Variants in RASGRF1 observed in about 807,000 individuals in gnomAD.
The protein encoded by RASGRF1 is ras-specific guanine nucleotide-releasing factor 1.
A neutral mutation model predicts 138.7 loss-of-function variants in RASGRF1; 40 were observed. The observed-to-expected ratio is 0.29, with a 90% CI of 0.22 to 0.38. RASGRF1 has a LOEUF of 0.38. RASGRF1 is among the 10% of genes least tolerant of loss of function. The pLI, the probability that RASGRF1 is intolerant of heterozygous loss-of-function variation, is 1.00. For synonymous variants in RASGRF1, 614 were observed against 663.2 expected (o/e 0.93, Z 1.14); for missense variants, 1,108 against 1,650.4 (o/e 0.67, Z 5.69).
intron 20 of RASGRF1, among the ~76,000 whole-genome samples, chr15:78,993,136 T>G (rs2044228): frequency 0.85 from 126,120 of 147,554 alleles, 53,893 homozygotes; most frequent in East Asian, 1. Context: ...GTATGTGGGG[T>G]GTGTGTGTGT....
intron 2 of RASGRF1, among the ~76,000 whole-genome samples, chr15:79,059,806 A>G (rs368588340): frequency 2.0e-5 from 3 of 152,278 alleles, no homozygotes; most frequent in Admixed American, 6.5e-5. Context: ...GCGAGAGAAC[A>G]TTGTGTCTCT....
chr15:78,978,985 AT>A (rs754855442), intron 24 of RASGRF1: 1 of 1,291,264 alleles, frequency 7.7e-7, no homozygotes, highest in South Asian at 1.2e-5. Context: ...CTCAGACAGA[AT>A]GGGGGGCCCC....
At chr15:79,054,408 T>C (rs1423080619) in intron 3 of RASGRF1, among the ~76,000 whole-genome samples, 1 of 152,098 alleles carries the variant, frequency 6.6e-6, no homozygotes, top group East Asian at 1.9e-4. Context: ...GTGTCGTGGG[T>C]TGTAGGGACT....
rs988908251 is a variant in RASGRF1 at position 78,995,655 on chromosome 15, G to A, written c.3027+85C>T. 4.2e-5 allele frequency: 62 copies of A among 1,462,834 alleles called. No individual in the cohort carries two copies. The African/African-American group carries it at 6.8e-4, about 16-fold the overall frequency. The allele number at this position is 1,462,834 out of a possible 1,614,324, so 90.6% of individuals were successfully genotyped here. A position where few individuals can be genotyped will look rare whatever the true frequency, so the allele number is the denominator to read the frequency against. Reference sequence around the variant, plus strand: ...CACAACAGCCACAGAAAATGAATACGGGTGATGCCTGTGATGGGTCAGGGG... The same window carrying A: ...CACAACAGCCACAGAAAATGAATACAGGTGATGCCTGTGATGGGTCAGGGG... On this transcript the variant is annotated intron_variant, in intron 20 of 26. Coordinates refer to ENST00000558480, the MANE Select transcript of RASGRF1 (RefSeq NM_001145648.3).
chr15:78,980,503 A>T (rs1843724944), intron 24 of RASGRF1, 117 bp downstream of exon 24: 1 of 736,020 alleles, frequency 1.4e-6, no homozygotes. Context: ...TTGTGGGTAG[A>T]CAGACGAACA....
At chr15:79,081,593 C>A (rs2057915219) in intron 1 of RASGRF1, among the ~76,000 whole-genome samples, 1 of 152,176 alleles carries the variant, frequency 6.6e-6, no homozygotes, top group African/African-American at 2.4e-5. Flanking sequence ...AATCACCCCC[C>A]ACACCCCAGG....
chr15:78,990,094 T>G, intron 22 of RASGRF1, 95 bp downstream of exon 22: 1 of 1,052,108 alleles, frequency 9.5e-7, no homozygotes, highest in South Asian at 1.3e-5. Flanking sequence ...AGGAGTCTGG[T>G]TCCAGCCAGG....
chr15:78,982,884 G>A (rs2056066737), intron 23 of RASGRF1, among the ~76,000 whole-genome samples: 1 of 152,008 alleles, frequency 6.6e-6, no homozygotes, highest in South Asian at 2.1e-4. Context: ...ATCGTCTCTT[G>A]GGTTTTTTTT....
Position 79,027,832 on chromosome 15 carries a change from C to T in RASGRF1, c.1290G>A (p.Thr430=), listed in dbSNP as rs952118008. The part of the protein sequence containing the change: ...SRIMHDEVSE[T]ENIRKNLAIE... The stretch of plus-strand genomic sequence containing the variant: ...TGGCCAGGTTTTTCCGGATGTTCTC[C>T]GTCTCACTTACTTCATCGTGCATTA... Residue 430 remains threonine (T), a synonymous_variant, in exon 9 of 27, where the codon ACG becomes ACA. Coordinates refer to ENST00000558480, the MANE Select transcript of RASGRF1 (RefSeq NM_001145648.3). This position sits in a 1 kb window ranked among gnomAD's most constrained non-coding sequence, Gnocchi z 4.8. 22 of 1,614,232 alleles carry T rather than the reference C, an allele frequency of 1.4e-5. No homozygotes were observed. Among genetic ancestry groups the T allele is most frequent in the African/African-American group, 2.7e-5 (2 of 75,060 alleles).
At chr15:78,992,360 C>A (rs2056288897) in intron 20 of RASGRF1, among the ~76,000 whole-genome samples, 1 of 152,354 alleles carries the variant, frequency 6.6e-6, no homozygotes, top group East Asian at 1.9e-4. Flanking sequence ...AGGGGCCACC[C>A]TTGGACACCA....
rs573045099 is a variant in RASGRF1, at chr15:79,009,094, G to C, written c.1827-2660C>G. Reference sequence around the variant, plus strand: ...AGTGTCACTTCTCAGCAAGTCTGATGTGATTCTGCAGGTGCTGAGCCCCCC... The same window carrying C: ...AGTGTCACTTCTCAGCAAGTCTGATCTGATTCTGCAGGTGCTGAGCCCCCC... On this transcript the variant is annotated intron_variant, in intron 13 of 26. Transcript: ENST00000558480. 2.6e-5 allele frequency among the ~76,000 whole-genome samples: 4 copies of C among 152,286 alleles called. No individual in the cohort carries two copies. In the South Asian group the frequency reaches 8.3e-4, roughly 32 times the overall value.
At chr15:79,021,968 C>T (rs1447446663) in intron 10 of RASGRF1, among the ~76,000 whole-genome samples, 1 of 151,544 alleles carries the variant, frequency 6.6e-6, no homozygotes, top group African/African-American at 2.4e-5. Context: ...AACTCCCTCA[C>T]TTACTCCTCA....
At chr15:79,082,371 A>G (rs765650076) in intron 1 of RASGRF1, among the ~76,000 whole-genome samples, 8 of 152,124 alleles carry the variant, frequency 5.3e-5, no homozygotes, top group Non-Finnish European at 1.0e-4. Flanking sequence ...CCTTCCCCTC[A>G]GTGGAGGGGA....
intron 5 of RASGRF1, among the ~76,000 whole-genome samples, chr15:79,045,522 C>T (rs1280337812): frequency 2.0e-5 from 3 of 152,200 alleles, no homozygotes; most frequent in Non-Finnish European, 4.4e-5. Context: ...GATTTGGTCT[C>T]GAAAGGTCTC....
At chr15:78,982,900 C>G (rs62011168) in intron 23 of RASGRF1, among the ~76,000 whole-genome samples, 1 of 151,650 alleles carries the variant, frequency 6.6e-6, no homozygotes, top group East Asian at 1.9e-4. Context: ...TTTTTTTCCC[C>G]AAAGAGGATG....
At chr15:79,075,112 C>T (rs900541148) in intron 1 of RASGRF1, among the ~76,000 whole-genome samples, 3 of 152,158 alleles carry the variant, frequency 2.0e-5, no homozygotes, top group African/African-American at 4.8e-5. Context: ...TGGAGTTTGA[C>T]GTAGCATCCC....
At chr15:78,995,264 T>C (rs1220173339) in intron 20 of RASGRF1, among the ~76,000 whole-genome samples, 2 of 149,250 alleles carry the variant, frequency 1.3e-5, no homozygotes, top group Non-Finnish European at 3.0e-5. Flanking sequence ...TCCAGAACTA[T>C]GAGAGAATAC....
intron 1 of RASGRF1, among the ~76,000 whole-genome samples, chr15:79,066,496 A>C (rs2057682698): frequency 6.6e-6 from 1 of 152,238 alleles, no homozygotes; most frequent in Non-Finnish European, 1.5e-5. Flanking sequence ...GGGTCTCCTT[A>C]GAGCCCCAAG....
intron 10 of RASGRF1, among the ~76,000 whole-genome samples, chr15:79,024,938 T>C (rs898337627): frequency 1.3e-5 from 2 of 151,142 alleles, no homozygotes; most frequent in Admixed American, 1.3e-4. Context: ...ACACACCACA[T>C]ATACAAACAC....
Sources: gnomAD v4.1 joint callset for allele counts (sites outside exome capture counted in the v4.1 genomes callset) on GRCh38, gnomAD v4.1.1 for gene constraint, Gnocchi (gnomAD v3.1) non-coding constraint, MANE v1.5 for transcripts, NCBI Gene and HGNC (gene_info 2026-07-23, HGNC 2026-07-21) for gene names.